The following USP34 variants were observed in gnomAD, a reference collection of about 807,000 sequenced individuals.
USP34 encodes the protein ubiquitin specific peptidase 34.
Under a neutral mutation model 460.3 loss-of-function variants are expected in USP34, and 70 were observed. The ratio of observed to expected loss-of-function variants is 0.15; its 90% confidence interval spans 0.13 to 0.19. The LOEUF is 0.19. Ranked by LOEUF, USP34 falls within the 10% of genes least tolerant of loss-of-function variation. USP34 has a pLI of 1.00. For missense variants in USP34, 3,985 were observed against 4,236.2 expected, an observed-to-expected ratio of 0.94 and a Z score of 1.65; for synonymous variants, 1,647 against 1,405.3, an observed-to-expected ratio of 1.17 and a Z score of -3.85.
intron 75 of USP34, chr2:61,194,296 C>T (rs1346915541): frequency 4.1e-6 from 4 of 985,316 alleles, no homozygotes; most frequent in Middle Eastern, 1.0e-3. Flanking sequence ...TGTTTGGCAG[C>T]ATATACCCAC....
At chr2:61,383,119 G>A (rs1475918555) in intron 6 of USP34, 150 bp downstream of exon 6, 16 of 444,432 alleles carry the variant, frequency 3.6e-5, no homozygotes, top group Non-Finnish European at 4.4e-5. Context: ...CCATATATGT[G>A]CATAAAAAAC....
chr2:61,294,738 G>C (rs1475904642), intron 32 of USP34, among the ~76,000 whole-genome samples: 1 of 152,084 alleles, frequency 6.6e-6, no homozygotes, highest in African/African-American at 2.4e-5. Flanking sequence ...TATTTCAATA[G>C]AGGGAAAATC....
In USP34 at chr2:61,394,910, T is replaced by C; in HGVS notation, c.696A>G (p.Gly232=). The change falls in exon 5 of 80, where the codon GGA becomes GGG. Residue 232 remains glycine (G), a synonymous_variant. Transcript: ENST00000398571. ...TAAGAAATGGCAAAGTTTCAGGAGT[T>C]CCATATTCAAAGCAATCCTTCATGA... ...LSLMKDCFEY[G]TPETLPFLIA... The C allele has an allele frequency of 6.2e-7, 1 of 1,604,610 alleles. No homozygotes were observed. Among genetic ancestry groups the C allele is most frequent in the East Asian group, 2.3e-5 (1 of 44,260 alleles).
chr2:61,256,570 C>A, intron 47 of USP34, 92 bp from the exon 48 acceptor site: 1 of 1,024,560 alleles, frequency 9.8e-7, no homozygotes, highest in Non-Finnish European at 1.4e-6. Flanking sequence ...ACAGAATGCT[C>A]AGCAAAAAAA....
intron 23 of USP34, among the ~76,000 whole-genome samples, chr2:61,315,717 A>C (rs1690723784): frequency 6.6e-6 from 1 of 152,170 alleles, no homozygotes; most frequent in East Asian, 1.9e-4. Flanking sequence ...ACAACAAAAA[A>C]TGTTTTCACT....
chr2:61,349,160 A>C, intron 13 of USP34, 90 bp downstream of exon 13: 2 of 1,441,158 alleles, frequency 1.4e-6, no homozygotes, highest in Non-Finnish European at 1.9e-6. Flanking sequence ...TGACTGATAC[A>C]AATATATTAT....
chr2:61,460,483 T>C (rs1215239903), intron 1 of USP34, among the ~76,000 whole-genome samples: 2 of 152,156 alleles, frequency 1.3e-5, no homozygotes, highest in Non-Finnish European at 2.9e-5. Context: ...ATACTAGTAA[T>C]TCAGATATGC....
At chr2:61,351,472 T>C (rs1360112340) in intron 10 of USP34, among the ~76,000 whole-genome samples, 2 of 152,052 alleles carry the variant, frequency 1.3e-5, no homozygotes, top group African/African-American at 2.4e-5. Context: ...AAAATAAAAG[T>C]ATTTTACAGC....
At chr2:61,348,641 TA>T in intron 14 of USP34, 114 bp downstream of exon 14, 7 of 1,448,008 alleles carry the variant, frequency 4.8e-6, no homozygotes, top group Non-Finnish European at 5.5e-6. Flanking sequence ...TCAAAAATAT[TA>T]CGTAAAGGAG....
At chr2:61,404,595 A>C (rs1013368473) in intron 3 of USP34, among the ~76,000 whole-genome samples, 2 of 152,172 alleles carry the variant, frequency 1.3e-5, no homozygotes, top group African/African-American at 4.8e-5. Flanking sequence ...AGTGGAAAAT[A>C]AGCCATGTGG....
rs752747046 is a variant in USP34, at chr2:61,204,308, G to A, written c.9332C>T (p.Pro3111Leu). ...GAGGCACATATTGAGTTCAGGGCGC[G>A]GAGGCCGAATATTGCTTTTCCCTCC... ...LIGGKSNIRP[P>L]RPELNMCLLP... is the part of the protein sequence containing the mutation. Residue 3111 changes from proline to leucine, a missense_variant, in exon 74 of 80, where the codon CCG becomes CTG. Physicochemically the swap from Pro to Leu is moderately conservative, Grantham distance 98. Coordinates refer to ENST00000398571, the MANE Select transcript of USP34 (RefSeq NM_014709.4). 20 of 1,614,144 alleles carry A rather than the reference G, an allele frequency of 1.2e-5. No homozygotes were observed. Among genetic ancestry groups the A allele is most frequent in the South Asian group, 6.6e-5 (6 of 91,086 alleles).
At chr2:61,459,076 A>G (rs1428221169) in intron 1 of USP34, among the ~76,000 whole-genome samples, 2 of 152,196 alleles carry the variant, frequency 1.3e-5, no homozygotes, top group African/African-American at 2.4e-5. Flanking sequence ...GGGAAAAAAT[A>G]AAAACAAATC....
At chr2:61,286,518 T>C (rs1689694721) in intron 34 of USP34, among the ~76,000 whole-genome samples, 1 of 152,040 alleles carries the variant, frequency 6.6e-6, no homozygotes, top group Non-Finnish European at 1.5e-5. Context: ...TAGCCACGCA[T>C]GGTGGCGTGT....
In USP34 at chr2:61,348,470, T is replaced by C; in HGVS notation, c.1685A>G (p.Gln562Arg). The C allele has an allele frequency of 6.2e-7, 1 of 1,610,182 alleles. No homozygotes were observed. The highest frequency in any genetic ancestry group is 2.2e-5 in the East Asian group (1 of 44,830). ...GTTGGCAGTTTCGTCAGAACTTCCC[T>C]GCATGGATTCCTGTATTTTGAAACA... ...QRLSDTEESM[Q>R]GSSDETANSG... Residue 562 changes from glutamine to arginine, a missense_variant, in exon 15 of 80, where the codon CAG becomes CGG. Transcript: ENST00000398571.
chr2:61,387,558 TTATATA>T (rs1373366164), intron 5 of USP34, among the ~76,000 whole-genome samples: 8 of 147,434 alleles, frequency 5.4e-5, no homozygotes, highest in South Asian at 2.1e-4. Flanking sequence ...ATATATATAT[TTATATA>T]TACACACATA....
At chr2:61,271,293 C>G (rs1203179538) in intron 41 of USP34, among the ~76,000 whole-genome samples, 1 of 152,174 alleles carries the variant, frequency 6.6e-6, no homozygotes, top group Non-Finnish European at 1.5e-5. Flanking sequence ...GAAGCTTTAT[C>G]TTCTTCAAAG....
Position 61,348,012 on chromosome 2 carries a change from C to A in USP34, c.2143G>T (p.Ala715Ser). Residue 715 changes from alanine (A) to serine (S), a missense_variant, in exon 15 of 80, where the codon GCA becomes TCA. Coordinates refer to ENST00000398571, the MANE Select transcript of USP34 (RefSeq NM_014709.4). ...ATACAAGACTCCTGAGACCCTTGTGCTATATGAGTAGCATTCATTTCCCCT... is the reference window on the plus strand; with the variant it reads ...ATACAAGACTCCTGAGACCCTTGTGATATATGAGTAGCATTCATTTCCCCT... ...ISGEMNATHIAQGSQESCITR... is the reference protein window; with the variant it reads ...ISGEMNATHISQGSQESCITR... 6.2e-7 allele frequency: 1 copy of A among 1,614,134 alleles called. No homozygotes were observed. Among genetic ancestry groups the A allele is most frequent in the Non-Finnish European group, 8.5e-7 (1 of 1,180,020 alleles).
chr2:61,256,580 A>G lies in USP34; in HGVS notation c.6127-102T>C, dbSNP rs68101593. 39 of 761,240 alleles carry G rather than the reference A, an allele frequency of 5.1e-5. No homozygotes were observed. In the South Asian group the frequency reaches 1.1e-3, roughly 21 times the overall value. 47.2% of individuals were successfully genotyped at this position (761,240 alleles called of 1,614,324 possible). A position where few individuals can be genotyped will look rare whatever the true frequency, so the allele number is the denominator to read the frequency against. On this transcript the variant is annotated intron_variant, in intron 47 of 79. Coordinates refer to ENST00000398571, the MANE Select transcript of USP34 (RefSeq NM_014709.4). Reference sequence around the variant, plus strand: ...TTTTGACAGAATGCTCAGCAAAAAAATTTTTTTTTTAAAAGTGAATTCTTA... The same window carrying G: ...TTTTGACAGAATGCTCAGCAAAAAAGTTTTTTTTTTAAAAGTGAATTCTTA...
Position 61,187,990 on chromosome 2 carries a change from C to G in USP34, c.*112G>C. On this transcript the variant is annotated 3_prime_UTR_variant, in exon 80 of 80. Transcript: ENST00000398571. ...AAGCCTATAAATCTATCTTGCCATTCAAGCAGAGAGCACTGGACAAACTGA... is the reference window on the plus strand; with the variant it reads ...AAGCCTATAAATCTATCTTGCCATTGAAGCAGAGAGCACTGGACAAACTGA... 1 of 1,483,200 alleles carries G rather than the reference C, an allele frequency of 6.7e-7. No individual in the cohort carries two copies. Among genetic ancestry groups the G allele is most frequent in the Non-Finnish European group, 8.9e-7 (1 of 1,118,098 alleles). The allele number at this position is 1,483,200 out of a possible 1,614,324, so 91.9% of individuals were successfully genotyped here.
Sources: gnomAD v4.1 joint callset for allele counts (sites outside exome capture counted in the v4.1 genomes callset) on GRCh38, gnomAD v4.1.1 for gene constraint, MANE v1.5 for transcripts, NCBI Gene and HGNC (gene_info 2026-07-23, HGNC 2026-07-21) for gene names.